Variants in LY9 observed in about 807,000 individuals in gnomAD.
LY9 encodes the protein T-lymphocyte surface antigen Ly-9.
In LY9, 59 loss-of-function variants were observed where a neutral mutation model predicts 64.6. That is an observed-to-expected ratio of 0.91 (90% confidence interval 0.74 to 1.13). The LOEUF is 1.13. Ranked by LOEUF, LY9 falls within the 50% of genes most tolerant of loss-of-function variation. The pLI is 0.00. For missense variants in LY9, 789 were observed against 797.2 expected, an observed-to-expected ratio of 0.99 and a Z score of 0.12; for synonymous variants, 281 against 308.5, an observed-to-expected ratio of 0.91 and a Z score of 0.93.
At chr1:160,801,909 G>C in intron 2 of LY9, 2 of 1,613,484 alleles carry the variant, frequency 1.2e-6, no homozygotes, top group Non-Finnish European at 8.5e-7. Flanking sequence ...GAGCGTGCGG[G>C]AGGGCTAGGC....
At chr1:160,817,453 T>C (rs1260449181) in intron 5 of LY9, among the ~76,000 whole-genome samples, 1 of 152,304 alleles carries the variant, frequency 6.6e-6, no homozygotes, top group East Asian at 1.9e-4. Flanking sequence ...GTGGCTACCA[T>C]ATTGAACAGC....
rs1668644228 is a variant in LY9 at position 160,823,542 on chromosome 1, AG to A, written c.1578del (p.Arg526SerfsTer216). 5 of 1,614,084 alleles carry A rather than the reference AG, an allele frequency of 3.1e-6. No individual in the cohort carries two copies. The highest frequency in any genetic ancestry group is 4.2e-6 in the Non-Finnish European group (5 of 1,180,024). On this transcript the variant is annotated frameshift_variant, in exon 8 of 10. Coordinates refer to ENST00000263285, the MANE Select transcript of LY9 (RefSeq NM_002348.4). LOFTEE classifies it high-confidence loss of function. ...EKLDTPLRPA[R>X]QQPTPTSDSS... Reference sequence around the variant, plus strand: ...GCTGGACACTCCCCTCAGGCCTGCCAGGCAACAGCCTACACCCACCTCAGAC... The same window carrying A: ...GCTGGACACTCCCCTCAGGCCTGCCAGCAACAGCCTACACCCACCTCAGAC...
intron 3 of LY9, 115 bp downstream of exon 3, chr1:160,814,026 G>A: frequency 8.6e-7 from 1 of 1,156,710 alleles, no homozygotes; most frequent in Non-Finnish European, 1.2e-6. Flanking sequence ...CAAGAGGACA[G>A]GCCCCAAAAC....
At chr1:160,822,756 C>T (rs958704840) in intron 7 of LY9, among the ~76,000 whole-genome samples, 10 of 152,212 alleles carry the variant, frequency 6.6e-5, no homozygotes, top group Admixed American at 5.2e-4. Context: ...CAGTGGGCCA[C>T]ACCGGCCCTC....
At chr1:160,810,583 G>A (rs758990562) in intron 2 of LY9, 19 of 152,026 alleles carry the variant, frequency 1.2e-4, no homozygotes, top group Non-Finnish European at 2.5e-4. Context: ...AGAGGTACTC[G>A]GGATTAGAAC....
chr1:160,809,192 C>CT (rs71090327), intron 2 of LY9, among the ~76,000 whole-genome samples: 1,607 of 111,678 alleles, frequency 0.014, 12 homozygotes, highest in Non-Finnish European at 0.021. Flanking sequence ...TATATGCATT[C>CT]TTTTTTTTTT....
chr1:160,821,656 G>A (rs535000581), intron 7 of LY9, among the ~76,000 whole-genome samples: 4 of 152,302 alleles, frequency 2.6e-5, no homozygotes, highest in Admixed American at 2.0e-4. Flanking sequence ...CTGTTCAAAA[G>A]GCGATATAAC....
chr1:160,802,165 G>T, intron 2 of LY9: 1 of 1,273,508 alleles, frequency 7.9e-7, no homozygotes, highest in South Asian at 2.2e-5. Context: ...CAGGAACCGG[G>T]CTGGGCCTTG....
intron 3 of LY9, 24 bp from the exon 4 acceptor site, chr1:160,814,396 G>T (rs1377455031): frequency 2.6e-6 from 4 of 1,553,342 alleles, no homozygotes; most frequent in East Asian, 2.2e-5. Context: ...GACTGAAGCT[G>T]CAATGTCTCA....
intron 2 of LY9, among the ~76,000 whole-genome samples, chr1:160,807,306 A>C (rs497292): frequency 1 from 152,237 of 152,308 alleles, 76,083 homozygotes; most frequent in Middle Eastern, 1. Context: ...GTAGTATAGT[A>C]TTTGTATGAT....
chr1:160,805,183 C>T (rs191953056), intron 2 of LY9, among the ~76,000 whole-genome samples: 1 of 151,864 alleles, frequency 6.6e-6, no homozygotes, highest in Non-Finnish European at 1.5e-5. Flanking sequence ...CCTTAAAGTT[C>T]ATTGTTACAT....
intron 2 of LY9, chr1:160,802,006 C>A: frequency 6.6e-7 from 1 of 1,516,340 alleles, no homozygotes. Flanking sequence ...GCCGATGGGA[C>A]CCTGCCAGGC....
Position 160,816,858 on chromosome 1 carries a change from G to C in LY9, c.1337G>C (p.Cys446Ser), listed in dbSNP as rs1667998412. 1.2e-6 allele frequency: 2 copies of C among 1,614,066 alleles called. No individual in the cohort carries two copies. The highest frequency in any genetic ancestry group is 1.3e-5 in the African/African-American group (1 of 74,922). Residue 446 changes from cysteine to serine, a missense_variant, in exon 5 of 10, where the codon TGT (cysteine) becomes TCT (serine). Cys to Ser is a moderately radical substitution (Grantham distance 112, BLOSUM62 -1). Transcript: ENST00000263285. ...SSHQFLSENI[C>S]SGPERNTKLW... ...CACCAGTTTCTTTCTGAGAACATCT[G>C]TTCAGGTTTCTCTCCATCTCTATTT...
chr1:160,814,429 C>T lies in LY9; in HGVS notation c.740C>T (p.Ala247Val), dbSNP rs1235887454. 2 of 1,607,034 alleles carry T rather than the reference C, an allele frequency of 1.2e-6. No homozygotes were observed. Among genetic ancestry groups the T allele is most frequent in the Non-Finnish European group, 8.5e-7 (1 of 1,176,060 alleles). The change falls in exon 4 of 10, where the codon GCC becomes GTC. Residue 247 changes from alanine (A) to valine (V), a missense_variant. Ala to Val is a moderately conservative substitution (Grantham distance 64, BLOSUM62 0). Coordinates refer to ENST00000263285, the MANE Select transcript of LY9 (RefSeq NM_002348.4). ...TCATCTGTGACCCCAGATCCAGGAG[C>T]CTCCAGAGGAGGAACAACGGGGGAG... ...HVGQFCTDPG[A>V]SRGGTTGETV...
intron 4 of LY9, 123 bp from the exon 5 acceptor site, chr1:160,816,471 C>T (rs1218715133): frequency 8.8e-7 from 1 of 1,137,176 alleles, no homozygotes; most frequent in Admixed American, 2.6e-5. Flanking sequence ...CCTGTGGCTC[C>T]TGGAGGCACT....
chr1:160,819,879 G>A (rs1474173923), intron 7 of LY9, among the ~76,000 whole-genome samples: 11 of 146,130 alleles, frequency 7.5e-5, no homozygotes, highest in Non-Finnish European at 1.5e-4. Flanking sequence ...GAGGGAGGGA[G>A]GGAATCTTGG....
At position 160,818,276 on chromosome 1, in the gene LY9, C is replaced by T. The variant is rs768343414; in HGVS notation, c.1401C>T (p.Cys467=). The change falls in exon 6 of 10, where the codon TGC becomes TGT. Residue 467 remains cysteine (C), a synonymous_variant. Transcript: ENST00000263285. ...IGLFLMVCLL[C]VGIFSWCIWK... ...TGTTCCTGATGGTTTGCCTTCTGTG[C>T]GTTGGGATCTTCAGCTGGTGCATTT... The T allele has an allele frequency of 1.2e-5, 19 of 1,613,894 alleles. No homozygotes were observed. Among genetic ancestry groups the T allele is most frequent in the East Asian group, 4.5e-5 (2 of 44,890 alleles).
At chr1:160,806,044 C>T (rs1431429659) in intron 2 of LY9, among the ~76,000 whole-genome samples, 1 of 143,462 alleles carries the variant, frequency 7.0e-6, no homozygotes, top group Non-Finnish European at 1.5e-5. Context: ...CATTTCTTTA[C>T]TTGTAGTCTA....
intron 2 of LY9, among the ~76,000 whole-genome samples, chr1:160,807,992 T>C (rs1295128576): frequency 2.0e-5 from 3 of 152,002 alleles, no homozygotes; most frequent in Admixed American, 1.3e-4. Context: ...GTGAGGACAG[T>C]AGCCGCCACC....
Sources: allele counts gnomAD v4.1 joint callset (sites outside exome capture counted in the v4.1 genomes callset), GRCh38; gene constraint gnomAD v4.1.1; transcripts MANE v1.5; gene names NCBI Gene and HGNC (gene_info 2026-07-23, HGNC 2026-07-21).